Variants in DNAI3 observed in about 807,000 individuals in gnomAD.
DNAI3 encodes dynein axonemal intermediate chain 3, also known as WD repeat domain 63.
DNAI3 carries 83 observed loss-of-function variants against 115.5 expected under a neutral mutation model. That is an observed-to-expected ratio of 0.72 (90% CI 0.60 to 0.86). The LOEUF is 0.86. Ranked by LOEUF, DNAI3 falls within the 40% of genes least tolerant of loss-of-function variation. The probability of loss-of-function intolerance (pLI) is 0.00; values close to 1 mark genes in which losing one functional copy is unlikely to be tolerated. For synonymous variants in DNAI3, 320 were observed against 347.0 expected (o/e 0.92, Z 0.86); for missense variants, 1,004 against 1,075.8 (o/e 0.93, Z 0.93).
chr1:85,082,602 G>A (rs754203723), intron 5 of DNAI3, among the ~76,000 whole-genome samples, 198 bp downstream of exon 5: 13 of 152,206 alleles, frequency 8.5e-5, no homozygotes, highest in African/African-American at 2.4e-4. Flanking sequence ...GCACCACCAC[G>A]TCAAGCTAAT....
chr1:85,073,846 A>T (rs1447115434), intron 3 of DNAI3, among the ~76,000 whole-genome samples: 4 of 152,150 alleles, frequency 2.6e-5, no homozygotes, highest in African/African-American at 9.7e-5. Context: ...CTAGTTAGGA[A>T]GTTTTTCCAA....
chr1:85,132,485 G>A (rs1656365355), intron 22 of DNAI3, among the ~76,000 whole-genome samples: 3 of 152,206 alleles, frequency 2.0e-5, no homozygotes, highest in South Asian at 2.1e-4. Flanking sequence ...AGTCATTGCC[G>A]TGTGATCCAC....
At chr1:85,110,341 T>C (rs1372405791) in intron 16 of DNAI3, among the ~76,000 whole-genome samples, 3 of 150,886 alleles carry the variant, frequency 2.0e-5, no homozygotes, top group Non-Finnish European at 3.0e-5. Flanking sequence ...GTCCCAGCTA[T>C]CCCGGAGGCT....
intron 22 of DNAI3, among the ~76,000 whole-genome samples, chr1:85,131,851 G>A (rs1656335789): frequency 6.6e-6 from 1 of 152,158 alleles, no homozygotes; most frequent in African/African-American, 2.4e-5. Flanking sequence ...TAATTTGCAT[G>A]TGAAATACTT....
At chr1:85,072,954 C>CCAA (rs1654329451) in intron 2 of DNAI3, 100 bp from the exon 3 acceptor site, 1 of 384,888 alleles carries the variant, frequency 2.6e-6, no homozygotes, top group African/African-American at 3.7e-5. Flanking sequence ...GACTCCGTCT[C>CCAA]AAAAAAAAAA....
intron 16 of DNAI3, among the ~76,000 whole-genome samples, chr1:85,114,064 A>G (rs535828927): frequency 1.4e-4 from 20 of 142,328 alleles, no homozygotes; most frequent in African/African-American, 5.4e-4. Flanking sequence ...CCCAGGCTAG[A>G]GTGCAGTGGT....
chr1:85,129,318 T>C (rs974500180), intron 21 of DNAI3, among the ~76,000 whole-genome samples: 4 of 152,182 alleles, frequency 2.6e-5, no homozygotes, highest in African/African-American at 4.8e-5. Flanking sequence ...AATATATAAA[T>C]GTATATACAA....
chr1:85,079,159 A>G (rs1051255279), intron 3 of DNAI3, among the ~76,000 whole-genome samples: 7 of 152,222 alleles, frequency 4.6e-5, no homozygotes, highest in African/African-American at 1.2e-4. Flanking sequence ...CCCATTCAAC[A>G]CTACAAATGC....
intron 18 of DNAI3, among the ~76,000 whole-genome samples, chr1:85,123,385 A>G (rs1043681891): frequency 6.6e-6 from 1 of 152,208 alleles, no homozygotes; most frequent in African/African-American, 2.4e-5. Context: ...AAGGCCCAGC[A>G]TGGCCTAGAC....
intron 8 of DNAI3, 61 bp from the exon 9 acceptor site, chr1:85,093,397 G>C: frequency 6.7e-7 from 1 of 1,485,290 alleles, no homozygotes; most frequent in East Asian, 2.3e-5. Context: ...TGCTAAGATA[G>C]TCACATTATT....
In DNAI3 at chr1:85,081,301, T is replaced by A. The variant is rs201744091; in HGVS notation, c.171T>A (p.Asp57Glu). 4.4e-6 allele frequency: 7 copies of A among 1,606,086 alleles called. No homozygotes were observed. In the East Asian group the frequency reaches 1.1e-4, roughly 26 times the overall value. ...AAGAAATATTTAACTGCCGAATAGA[T>A]GAAGATGTCACAGATGAACAACCTT... is the stretch of plus-strand genomic sequence containing the variant. ...KTQEIFNCRI[D>E]EDVTDEQPYK... Residue 57 changes from aspartate to glutamate, a missense_variant, in exon 4 of 23, where the codon GAT becomes GAA. Transcript: ENST00000294664.
intron 1 of DNAI3, among the ~76,000 whole-genome samples, chr1:85,071,709 A>G (rs753602257): frequency 9.2e-5 from 14 of 152,208 alleles, no homozygotes; most frequent in Non-Finnish European, 1.8e-4. Context: ...CTTCAGCTAA[A>G]TGGCTCCACC....
At chr1:85,125,848 G>A (rs765514289) in intron 19 of DNAI3, among the ~76,000 whole-genome samples, 8 of 152,214 alleles carry the variant, frequency 5.3e-5, no homozygotes, top group Non-Finnish European at 2.9e-5. Context: ...GAAGCCTGAA[G>A]TGGGTAGAAA....
intron 16 of DNAI3, among the ~76,000 whole-genome samples, chr1:85,110,803 A>C: frequency 6.6e-6 from 1 of 152,304 alleles, no homozygotes; most frequent in Admixed American, 6.5e-5. Flanking sequence ...AGTCTAGTAA[A>C]ATAAGTTATG....
Position 85,090,154 on chromosome 1 carries a change from G to A in DNAI3, c.779G>A (p.Arg260Lys). ...AATGCTACTACGCAATATTATCCAA[G>A]AGAATTCTCAGAAGAGGAAAAAGAG... is the stretch of plus-strand genomic sequence containing the variant. The part of the protein sequence containing the change: ...PKNATTQYYP[R>K]EFSEEEKETL... The change falls in exon 8 of 23, where the codon AGA becomes AAA. Residue 260 changes from arginine to lysine, a missense_variant. By Grantham distance (26) the Arg-to-Lys change is conservative. Coordinates refer to ENST00000294664, the MANE Select transcript of DNAI3 (RefSeq NM_145172.5). 6 of 1,587,946 alleles carry A rather than the reference G, an allele frequency of 3.8e-6. No individual in the cohort carries two copies. Among genetic ancestry groups the A allele is most frequent in the Non-Finnish European group, 5.1e-6 (6 of 1,169,904 alleles).
At chr1:85,096,511 TTATATATAAAGATTA>T (rs11271285) in intron 11 of DNAI3, among the ~76,000 whole-genome samples, 70,766 of 123,216 alleles carry the variant, frequency 0.57, 17,973 homozygotes, top group African/African-American at 0.63. Flanking sequence ...TATATAAAGA[TTATATATAAAGATTA>T]TATATATATA....
At position 85,085,837 on chromosome 1, in the gene DNAI3, T is replaced by G. The variant is rs1469510211; in HGVS notation, c.547T>G (p.Tyr183Asp). 6.2e-7 allele frequency: 1 copy of G among 1,613,746 alleles called. No homozygotes were observed. Among genetic ancestry groups the G allele is most frequent in the Non-Finnish European group, 8.5e-7 (1 of 1,179,848 alleles). The part of the protein sequence containing the change: ...SVTESTKQIT[Y>D]MISRKRSEFG... The stretch of plus-strand genomic sequence containing the variant: ...CTGTTTACATGTGTTACAGATTACA[T>G]ATATGATTTCTCGAAAACGAAGTGA... Residue 183 changes from tyrosine to aspartate, a missense_variant, in exon 7 of 23, where the codon TAT becomes GAT. This residue lies in a region of DNAI3 where 550 missense variants were observed against 568.1 expected (regional missense o/e 0.97). Transcript: ENST00000294664.
intron 1 of DNAI3, among the ~76,000 whole-genome samples, chr1:85,070,046 A>T (rs895569367): frequency 1.2e-4 from 18 of 152,094 alleles, no homozygotes; most frequent in African/African-American, 4.3e-4. Flanking sequence ...GTGGATCACC[A>T]GGTCAGGAGT....
chr1:85,079,298 G>T (rs1470644292), intron 3 of DNAI3, among the ~76,000 whole-genome samples: 1 of 152,214 alleles, frequency 6.6e-6, no homozygotes, highest in Non-Finnish European at 1.5e-5. Flanking sequence ...CTTCACTCAT[G>T]AACAACTTGA....
Sources: gnomAD v4.1 joint callset for allele counts (sites outside exome capture counted in the v4.1 genomes callset) on GRCh38, gnomAD v4.1.1 for gene constraint, gnomAD v4.1.1 regional missense constraint, MANE v1.5 for transcripts, NCBI Gene and HGNC (gene_info 2026-07-23, HGNC 2026-07-21) for gene names.